Variants in CFAP47 observed in about 807,000 individuals in gnomAD.
The protein encoded by CFAP47 is cilia- and flagella-associated protein 47.
CFAP47 carries 29 observed loss-of-function variants against 148.1 expected under a neutral mutation model. The ratio of observed to expected loss-of-function variants is 0.20; its 90% confidence interval spans 0.15 to 0.27. The LOEUF (loss-of-function observed/expected upper bound fraction) is 0.27, where lower values mean the gene tolerates loss of function less well. CFAP47 is among the 10% of genes least tolerant of loss of function. CFAP47 has a pLI of 1.00. For missense variants in CFAP47, 1,872 were observed against 1,697.5 expected (o/e 1.10, Z -1.81); for synonymous variants, 664 against 577.3 (o/e 1.15, Z -2.15).
intron 48 of CFAP47, among the ~76,000 whole-genome samples, chrX:36,245,669 G>A (rs1380294222): frequency 1.8e-5 from 2 of 110,940 alleles, no homozygotes; most frequent in Non-Finnish European, 3.8e-5. Context: ...TGTGAAACAC[G>A]CTCTAAGGGT....
chrX:36,289,103 C>CGATTCT (rs1289219255), intron 51 of CFAP47, among the ~76,000 whole-genome samples: 1 of 102,563 alleles, frequency 9.8e-6, no homozygotes, highest in African/African-American at 3.6e-5. Context: ...CGGGTTCAAG[C>CGATTCT]GATTCTCCTG....
At chrX:36,057,550 TTTA>T (rs1937564160) in intron 26 of CFAP47, among the ~76,000 whole-genome samples, 1 of 112,202 alleles carries the variant, frequency 8.9e-6, no homozygotes, top group Admixed American at 9.5e-5. Context: ...TAATGGAATA[TTTA>T]TTAACTTTTG....
chrX:36,213,414 G>A (rs1282850437), intron 45 of CFAP47, among the ~76,000 whole-genome samples: 2 of 111,290 alleles, frequency 1.8e-5, no homozygotes, highest in Non-Finnish European at 3.8e-5. Context: ...CATATTCCAG[G>A]CCCAACTCTA....
At chrX:36,375,446 A>G (rs1233758439) in intron 62 of CFAP47, among the ~76,000 whole-genome samples, 2 of 112,125 alleles carry the variant, frequency 1.8e-5, no homozygotes, top group Non-Finnish European at 1.9e-5. Context: ...TGCTTAACAT[A>G]TGATCCACCC....
chrX:36,013,585 C>A (rs767330102), intron 21 of CFAP47, among the ~76,000 whole-genome samples: 1 of 110,906 alleles, frequency 9.0e-6, no homozygotes. Flanking sequence ...GGGGAGGTAT[C>A]GATGGTTAAT....
At chrX:36,037,624 T>C (rs988748482) in intron 24 of CFAP47, among the ~76,000 whole-genome samples, 3 of 111,058 alleles carry the variant, frequency 2.7e-5, no homozygotes, top group Non-Finnish European at 5.7e-5. Context: ...AAAAAGGGTA[T>C]GATTGAATCT....
At chrX:36,065,960 C>T (rs1414093692) in intron 27 of CFAP47, among the ~76,000 whole-genome samples, 1 of 112,102 alleles carries the variant, frequency 8.9e-6, no homozygotes, top group African/African-American at 3.2e-5. Context: ...GACAATATAG[C>T]AGAAACATGC....
intron 21 of CFAP47, among the ~76,000 whole-genome samples, chrX:36,009,201 T>G (rs1308439601): frequency 9.0e-6 from 1 of 111,309 alleles, no homozygotes; most frequent in Non-Finnish European, 1.9e-5. Context: ...ACATACTCTT[T>G]GGCAGTATTT....
At chrX:36,192,489 T>C (rs1358377308) in intron 42 of CFAP47, among the ~76,000 whole-genome samples, 1 of 111,753 alleles carries the variant, frequency 8.9e-6, no homozygotes, top group East Asian at 2.8e-4. Flanking sequence ...GTGTCTAGCA[T>C]GTGAACACCC....
intron 62 of CFAP47, chrX:36,375,155 G>A: frequency 3.1e-6 from 1 of 322,862 alleles, no homozygotes; most frequent in South Asian, 3.3e-5. Context: ...ACTTTTGAGA[G>A]CATCAGCCAG....
intron 43 of CFAP47, 34 bp from the exon 44 acceptor site, chrX:36,201,240 A>AT: frequency 3.4e-6 from 1 of 296,847 alleles, no homozygotes; most frequent in Non-Finnish European, 5.9e-6. Context: ...ATAAATGTTC[A>AT]TTGTATTCAT....
intron 60 of CFAP47, among the ~76,000 whole-genome samples, chrX:36,354,002 A>C (rs1215007904): frequency 9.0e-6 from 1 of 111,607 alleles, no homozygotes; most frequent in Non-Finnish European, 1.9e-5. Context: ...TTTCTTTCTG[A>C]TTTAAGGATT....
chrX:36,008,774 G>GAAAA (rs1555960300), intron 21 of CFAP47, among the ~76,000 whole-genome samples: 9 of 109,450 alleles, frequency 8.2e-5, no homozygotes, highest in African/African-American at 3.0e-4. Flanking sequence ...TGTCTCAAAA[G>GAAAA]AATAAATAAA....
intron 23 of CFAP47, among the ~76,000 whole-genome samples, chrX:36,032,261 T>C (rs1443548949): frequency 9.1e-6 from 1 of 109,806 alleles, no homozygotes; most frequent in African/African-American, 3.3e-5. Flanking sequence ...TAGACACCAA[T>C]AGCATTCTCT....
intron 33 of CFAP47, among the ~76,000 whole-genome samples, chrX:36,134,025 A>G (rs1179564536): frequency 2.7e-5 from 3 of 110,558 alleles, no homozygotes; most frequent in Non-Finnish European, 5.7e-5. Context: ...GCAGTAAACA[A>G]TTGGAATTTA....
At chrX:35,931,293 G>T (rs1221252961) in intron 2 of CFAP47, among the ~76,000 whole-genome samples, 1 of 111,006 alleles carries the variant, frequency 9.0e-6, no homozygotes, top group East Asian at 2.8e-4. Flanking sequence ...TGTGCATGGT[G>T]ATTTTCTTGC....
At chrX:35,993,760 G>A (rs1293339609) in intron 18 of CFAP47, among the ~76,000 whole-genome samples, 3 of 110,449 alleles carry the variant, frequency 2.7e-5, no homozygotes, top group Admixed American at 9.7e-5. Context: ...GAGTTTTGAC[G>A]AACCTAGATA....
chrX:36,146,778 C>CTTTTT (rs568139660), intron 36 of CFAP47, among the ~76,000 whole-genome samples: 75 of 87,710 alleles, frequency 8.6e-4, no homozygotes, highest in East Asian at 1.7e-3. Flanking sequence ...TATTTCTTTT[C>CTTTTT]TTTTTTTTTT....
At chrX:36,232,455 T>A (rs1555992930) in intron 46 of CFAP47, among the ~76,000 whole-genome samples, 1 of 111,863 alleles carries the variant, frequency 8.9e-6, no homozygotes, top group African/African-American at 3.3e-5. Flanking sequence ...GGATTGGTGG[T>A]GATATCCCCT....
Sources: gnomAD v4.1 joint callset for allele counts (sites outside exome capture counted in the v4.1 genomes callset) on GRCh38, gnomAD v4.1.1 for gene constraint, MANE v1.5 for transcripts, NCBI Gene and HGNC (gene_info 2026-07-23, HGNC 2026-07-21) for gene names.